The following CCDC7 variants were observed in gnomAD, a reference collection of about 807,000 sequenced individuals.
The protein encoded by CCDC7 is coiled-coil domain containing 7.
Under a neutral mutation model 196.9 loss-of-function variants are expected in CCDC7, and 183 were observed. The ratio of observed to expected loss-of-function variants is 0.93; its 90% CI spans 0.82 to 1.05. The LOEUF is 1.05. Ranked by LOEUF, CCDC7 falls within the 50% of genes least tolerant of loss-of-function variation. CCDC7 has a pLI of 0.00. For synonymous variants in CCDC7, 525 were observed against 484.6 expected (o/e 1.08, Z -1.10); for missense variants, 1,540 against 1,482.2 (o/e 1.04, Z -0.64).
chr10:32,507,597 C>T (rs1381267867), intron 9 of CCDC7, among the ~76,000 whole-genome samples: 5 of 152,028 alleles, frequency 3.3e-5, no homozygotes, highest in African/African-American at 7.3e-5. Flanking sequence ...ATTACAGGCA[C>T]CTGCCACTAT....
At chr10:32,694,881 C>T (rs2077514214) in exon 24 of CCDC7, 1 of 1,582,272 alleles carries the variant, frequency 6.3e-7, no homozygotes, top group Non-Finnish European at 8.6e-7. Context: ...TTATGTAGCT[C>T]ATGATGAAGA....
In CCDC7 at chr10:32,456,240, C is replaced by G. The variant is rs769396847; in HGVS notation, c.373-11C>G. On this transcript the variant is annotated splice_polypyrimidine_tract_variant and intron_variant, in intron 2 of 41. Transcript: ENST00000639629. Reference sequence around the variant, plus strand: ...AAATGTAACTTTATGTTTTATTATTCTTTTCAAAAGGTTGGGGATGATATG... The same window carrying G: ...AAATGTAACTTTATGTTTTATTATTGTTTTCAAAAGGTTGGGGATGATATG... 1.3e-6 allele frequency: 2 copies of G among 1,515,494 alleles called. No homozygotes were observed. The highest frequency in any genetic ancestry group is 2.7e-5 in the African/African-American group (2 of 73,160). 93.9% of individuals were successfully genotyped at this position (1,515,494 alleles called of 1,614,324 possible).
chr10:32,598,463 G>A (rs181503028), intron 18 of CCDC7, among the ~76,000 whole-genome samples: 4 of 152,142 alleles, frequency 2.6e-5, no homozygotes, highest in Non-Finnish European at 4.4e-5. Flanking sequence ...AGGGTGAGGC[G>A]ATGCCCTGCC....
intron 13 of CCDC7, among the ~76,000 whole-genome samples, chr10:32,557,246 T>C (rs1466950079): frequency 6.6e-6 from 1 of 150,800 alleles, no homozygotes; most frequent in Non-Finnish European, 1.5e-5. Flanking sequence ...GTATAATATG[T>C]CATTTTTCTT....
intron 11 of CCDC7, among the ~76,000 whole-genome samples, chr10:32,528,718 A>G (rs939891026): frequency 6.9e-6 from 1 of 144,080 alleles, no homozygotes; most frequent in African/African-American, 2.6e-5. Context: ...ATATATACAT[A>G]TATACGTATT....
intron 28 of CCDC7, among the ~76,000 whole-genome samples, chr10:32,759,885 A>G (rs2077145212): frequency 2.0e-5 from 3 of 152,174 alleles, no homozygotes; most frequent in African/African-American, 2.4e-5. Context: ...AATGAACTCA[A>G]ACAAATTTGC....
chr10:32,601,583 G>T (rs185303610), intron 18 of CCDC7, among the ~76,000 whole-genome samples: 38 of 152,268 alleles, frequency 2.5e-4, no homozygotes, highest in Non-Finnish European at 1.5e-4. Flanking sequence ...GGGACTTGGA[G>T]AACTTTTCTG....
chr10:32,487,062 T>C (rs2041257864), intron 8 of CCDC7, among the ~76,000 whole-genome samples: 1 of 152,210 alleles, frequency 6.6e-6, no homozygotes, highest in South Asian at 2.1e-4. Context: ...GGGGAAGTTC[T>C]CCTGGATAAT....
At chr10:32,702,543 G>A (rs1184960362) in intron 24 of CCDC7, among the ~76,000 whole-genome samples, 2 of 152,122 alleles carry the variant, frequency 1.3e-5, no homozygotes, top group African/African-American at 2.4e-5. Context: ...GGTCCGCTTG[G>A]TGCAGAGCTG....
rs1176128725 is a variant in CCDC7 at position 32,824,743 on chromosome 10, T to TTGAA, written c.3268+140_3268+143dup. On this transcript the variant is annotated intron_variant, in intron 32 of 41. Coordinates refer to ENST00000639629, the Ensembl canonical transcript of CCDC7. ...TTCATGAATTTCCTCCTATAATTAGTTGAACTCTAGTATTATTCTCAATAG... is the reference window on the plus strand; with the variant it reads ...TTCATGAATTTCCTCCTATAATTAGTTGAATGAACTCTAGTATTATTCTCAATAG... 5.6e-6 allele frequency: 3 copies of TTGAA among 539,694 alleles called. No homozygotes were observed. The African/African-American group carries it at 5.6e-5, about 10-fold the overall frequency. The allele number at this position is 539,694 out of a possible 1,614,324, so 33.4% of individuals were successfully genotyped here.
At chr10:32,814,248 G>A (rs139865340) in intron 30 of CCDC7, 122 bp from the exon 32 acceptor site, 119 of 699,250 alleles carry the variant, frequency 1.7e-4, no homozygotes, top group African/African-American at 1.4e-3. Flanking sequence ...GTGAGCCACC[G>A]TGCCCAGCCA....
At chr10:32,608,788 G>A (rs1233883255) in intron 18 of CCDC7, among the ~76,000 whole-genome samples, 4 of 152,014 alleles carry the variant, frequency 2.6e-5, no homozygotes, top group African/African-American at 4.8e-5. Flanking sequence ...TGATCCTCCC[G>A]CCTCAACCTT....
chr10:32,874,785 T>C lies in CCDC7; in HGVS notation c.4112-1562T>C, dbSNP rs868840527. On this transcript the variant is annotated intron_variant, in intron 41 of 41. Transcript: ENST00000639629. ...ACACACACACACACACACACACACATATATACACACATATATATACTCACC... is the reference window on the plus strand; with the variant it reads ...ACACACACACACACACACACACACACATATACACACATATATATACTCACC... Among the ~76,000 whole-genome samples the C allele has an allele frequency of 3.6e-3, 306 of 85,082 alleles. 1 individual carries two copies. The highest frequency in any genetic ancestry group is 8.4e-3 in the South Asian group (18 of 2,136). The allele number at this position is 85,082 out of a possible 152,430, so 55.8% of individuals were successfully genotyped here.
At chr10:32,749,971 A>G (rs1284797598) in intron 28 of CCDC7, among the ~76,000 whole-genome samples, 2 of 152,172 alleles carry the variant, frequency 1.3e-5, no homozygotes, top group Non-Finnish European at 2.9e-5. Flanking sequence ...TGATTTTAAG[A>G]TAACAGTTTT....
At chr10:32,736,455 A>ATACATGTGTATACAGGTTAGT (rs1415463331) in intron 28 of CCDC7, among the ~76,000 whole-genome samples, 1 of 152,066 alleles carries the variant, frequency 6.6e-6, no homozygotes, top group African/African-American at 2.4e-5. Context: ...TTAGTTACAT[A>ATACATGTGTATACAGGTTAGT]TGTATACATG....
At chr10:32,674,953 G>C (rs573707604) in intron 21 of CCDC7, among the ~76,000 whole-genome samples, 6 of 151,576 alleles carry the variant, frequency 4.0e-5, no homozygotes, top group African/African-American at 9.7e-5. Context: ...TTCTCTTTTA[G>C]TGTTTAAGCC....
chr10:32,801,448 T>G (rs2084770569), intron 29 of CCDC7, among the ~76,000 whole-genome samples: 1 of 152,250 alleles, frequency 6.6e-6, no homozygotes. Context: ...GCAGAATCCC[T>G]GCTTAGTGGG....
At position 32,670,480 on chromosome 10, in the gene CCDC7, C is replaced by T. The variant is rs527581638; in HGVS notation, c.2122+6319C>T. ...TATGTATACATGTGCCATGCTGGTG[C>T]GCTGCACCCACTAACTCGTCATCTA... On this transcript the variant is annotated intron_variant, in intron 21 of 41. Transcript: ENST00000639629. Among the ~76,000 whole-genome samples the T allele has an allele frequency of 3.4e-4, 52 of 151,352 alleles. 1 individual carries two copies. Among genetic ancestry groups the T allele is most frequent in the East Asian group, 2.3e-3 (12 of 5,114 alleles).
At chr10:32,461,063 C>G (rs1305521402) in intron 3 of CCDC7, among the ~76,000 whole-genome samples, 1 of 152,072 alleles carries the variant, frequency 6.6e-6, no homozygotes. Flanking sequence ...AACTTTTACC[C>G]AATTTGATAG....
Sources: gnomAD v4.1 joint callset for allele counts (sites outside exome capture counted in the v4.1 genomes callset) on GRCh38, gnomAD v4.1.1 for gene constraint, MANE v1.5 for transcripts, NCBI Gene and HGNC (gene_info 2026-07-23, HGNC 2026-07-21) for gene names.